Variants in EXOC6B observed in about 807,000 individuals in gnomAD.
EXOC6B encodes the protein exocyst complex component 6B, also known as SEC15 homolog B.
A neutral mutation model predicts 113.5 loss-of-function variants in EXOC6B; 54 were observed. The ratio of observed to expected loss-of-function variants is 0.48; its 90% CI spans 0.38 to 0.60. The LOEUF (loss-of-function observed/expected upper bound fraction) is 0.60. Ranked by LOEUF, EXOC6B falls within the 20% of genes least tolerant of loss-of-function variation. The probability of loss-of-function intolerance (pLI) is 0.00; values close to 1 mark genes in which losing one functional copy is unlikely to be tolerated. For synonymous variants in EXOC6B, 357 were observed against 339.0 expected, an observed-to-expected ratio of 1.05 and a Z score of -0.58; for missense variants, 797 against 977.5, an observed-to-expected ratio of 0.82 and a Z score of 2.46.
chr2:72,236,881 A>G lies in EXOC6B; in HGVS notation c.2197-52694T>C. On this transcript the variant is annotated intron_variant, in intron 20 of 21. Coordinates refer to ENST00000272427, the MANE Select transcript of EXOC6B (RefSeq NM_015189.3). ...GGCAAAGTCTGTACTACCTCTGATA[A>G]CTATCAACAACAGATTACGAGTCCC... Among the ~76,000 whole-genome samples, 2 of 152,138 alleles carry G rather than the reference A, an allele frequency of 1.3e-5. 1 individual carries two copies. The highest frequency in any genetic ancestry group is 3.9e-4 in the East Asian group (2 of 5,184).
intron 7 of EXOC6B, among the ~76,000 whole-genome samples, chr2:72,563,135 A>AT (rs1703983454): frequency 6.6e-6 from 1 of 152,134 alleles, no homozygotes; most frequent in African/African-American, 2.4e-5. Flanking sequence ...ACTAGGATAC[A>AT]TTTTTTAATA....
intron 1 of EXOC6B, among the ~76,000 whole-genome samples, chr2:72,798,587 C>G (rs1685105210): frequency 6.6e-6 from 1 of 152,090 alleles, no homozygotes; most frequent in African/African-American, 2.4e-5. Context: ...CACACTTTGC[C>G]ATTTTCAAAT....
intron 1 of EXOC6B, among the ~76,000 whole-genome samples, chr2:72,753,557 C>T (rs1175092520): frequency 6.6e-6 from 1 of 152,148 alleles, no homozygotes; most frequent in African/African-American, 2.4e-5. Context: ...TCGTAACAAT[C>T]CATCTTCAAT....
chr2:72,485,166 A>G (rs1699351655), intron 16 of EXOC6B, among the ~76,000 whole-genome samples: 1 of 152,222 alleles, frequency 6.6e-6, no homozygotes, highest in South Asian at 2.1e-4. Flanking sequence ...AACCTGAACC[A>G]TGATGACATT....
chr2:72,192,547 G>C (rs1678914253), intron 20 of EXOC6B, among the ~76,000 whole-genome samples: 1 of 152,092 alleles, frequency 6.6e-6, no homozygotes, highest in Non-Finnish European at 1.5e-5. Flanking sequence ...ATGTGGGCTG[G>C]GTCTTAGTAG....
chr2:72,566,046 T>C (rs562130343), intron 7 of EXOC6B, among the ~76,000 whole-genome samples: 6 of 152,132 alleles, frequency 3.9e-5, no homozygotes, highest in African/African-American at 1.4e-4. Context: ...GTTTTGCGTA[T>C]GGTAAAATTC....
At chr2:72,538,406 C>T (rs1702421436) in intron 8 of EXOC6B, among the ~76,000 whole-genome samples, 1 of 152,066 alleles carries the variant, frequency 6.6e-6, no homozygotes, top group Non-Finnish European at 1.5e-5. Context: ...TTCTGGTAAC[C>T]ACAGTAAAAA....
intron 1 of EXOC6B, among the ~76,000 whole-genome samples, chr2:72,772,498 A>C (rs151315355): frequency 6.6e-6 from 1 of 152,176 alleles, no homozygotes; most frequent in East Asian, 1.9e-4. Context: ...AGACTGCCCC[A>C]TTGCCAGTTA....
intron 1 of EXOC6B, among the ~76,000 whole-genome samples, chr2:72,821,016 T>C (rs1259773899): frequency 1.3e-5 from 2 of 151,958 alleles, no homozygotes; most frequent in East Asian, 3.9e-4. Flanking sequence ...AAAACTTTTG[T>C]GCAGCAAAAG....
At chr2:72,714,116 T>A (rs1187017706) in intron 6 of EXOC6B, among the ~76,000 whole-genome samples, 1 of 152,204 alleles carries the variant, frequency 6.6e-6, no homozygotes, top group Non-Finnish European at 1.5e-5. Context: ...TGCACTTTGG[T>A]ATTTACATAA....
chr2:72,326,188 A>G (rs1197099881), intron 20 of EXOC6B, among the ~76,000 whole-genome samples: 2 of 152,168 alleles, frequency 1.3e-5, no homozygotes, highest in Non-Finnish European at 2.9e-5. Flanking sequence ...CAGTACCACT[A>G]CAACAGCCTC....
At chr2:72,655,907 T>C (rs983840874) in intron 6 of EXOC6B, among the ~76,000 whole-genome samples, 4 of 152,112 alleles carry the variant, frequency 2.6e-5, no homozygotes, top group Non-Finnish European at 4.4e-5. Context: ...AAGATCAGAA[T>C]AAATGAAGTT....
intron 20 of EXOC6B, among the ~76,000 whole-genome samples, chr2:72,266,590 C>T (rs888438488): frequency 2.0e-5 from 3 of 151,964 alleles, no homozygotes; most frequent in Admixed American, 6.6e-5. Flanking sequence ...TTTCTGAGGG[C>T]TCTGTTCTGT....
chr2:72,601,124 A>ATGTGTGTGTGTGTGTG (rs61668760), intron 6 of EXOC6B, among the ~76,000 whole-genome samples: 1 of 138,594 alleles, frequency 7.2e-6, no homozygotes, highest in Non-Finnish European at 1.5e-5. Context: ...GTGTGTGTGT[A>ATGTGTGTGTGTGTGTG]TGTGTGTGTG....
chr2:72,734,434 T>C (rs192718697), intron 2 of EXOC6B, among the ~76,000 whole-genome samples: 5 of 152,226 alleles, frequency 3.3e-5, no homozygotes, highest in Non-Finnish European at 5.9e-5. Context: ...TCTAAGACAA[T>C]GTTAATGGAA....
chr2:72,605,381 T>G (rs536934504), intron 6 of EXOC6B, among the ~76,000 whole-genome samples: 2 of 152,046 alleles, frequency 1.3e-5, no homozygotes, highest in Non-Finnish European at 1.5e-5. Context: ...CTTAAACAGT[T>G]TACCATGGGG....
At chr2:72,477,173 A>G (rs768875873) in intron 17 of EXOC6B, among the ~76,000 whole-genome samples, 68 of 152,314 alleles carry the variant, frequency 4.5e-4, no homozygotes, top group Admixed American at 3.5e-3. Context: ...ATCTCTAGCT[A>G]TGATTTTGTC....
At chr2:72,811,950 G>A (rs555815823) in intron 1 of EXOC6B, among the ~76,000 whole-genome samples, 2 of 152,274 alleles carry the variant, frequency 1.3e-5, no homozygotes, top group Admixed American at 6.5e-5. Flanking sequence ...GATACTTAAT[G>A]AGAAAAGACT....
intron 18 of EXOC6B, among the ~76,000 whole-genome samples, chr2:72,408,065 C>A (rs11696558): frequency 6.6e-6 from 1 of 152,244 alleles, no homozygotes; most frequent in South Asian, 2.1e-4. Context: ...TTCTTATACA[C>A]CAATAACAGA....
Sources: allele counts gnomAD v4.1 joint callset (sites outside exome capture counted in the v4.1 genomes callset), GRCh38; gene constraint gnomAD v4.1.1; transcripts MANE v1.5; gene names NCBI Gene and HGNC (gene_info 2026-07-23, HGNC 2026-07-21).